The following VAV3 variants were observed in gnomAD, a reference collection of about 807,000 sequenced individuals.
VAV3 encodes the protein vav guanine nucleotide exchange factor 3.
In VAV3, 94 loss-of-function variants were observed where a neutral mutation model predicts 131.2. That is an observed-to-expected ratio of 0.72 (90% CI 0.61 to 0.85). VAV3 has a LOEUF of 0.85. Among genes scored for constraint, VAV3 ranks in the 40% least tolerant of loss-of-function variants. The pLI, the probability that VAV3 is intolerant of heterozygous loss-of-function variation, is 0.00. For synonymous variants in VAV3, 349 were observed against 342.0 expected (o/e 1.02, Z -0.22); for missense variants, 939 against 1,002.7 (o/e 0.94, Z 0.86).
At chr1:107,639,709 T>C (rs774892533) in intron 20 of VAV3, among the ~76,000 whole-genome samples, 7 of 152,086 alleles carry the variant, frequency 4.6e-5, no homozygotes, top group Non-Finnish European at 8.8e-5. Context: ...CTTGGCAGGC[T>C]GAAGTGGGAG....
intron 8 of VAV3, among the ~76,000 whole-genome samples, chr1:107,765,552 T>A (rs923069377): frequency 7.2e-5 from 11 of 152,208 alleles, no homozygotes; most frequent in African/African-American, 2.2e-4. Context: ...CTCAGAAAGT[T>A]TTCTCTATTA....
intron 20 of VAV3, among the ~76,000 whole-genome samples, chr1:107,630,724 A>G (rs1360606724): frequency 6.6e-6 from 1 of 152,182 alleles, no homozygotes; most frequent in Non-Finnish European, 1.5e-5. Flanking sequence ...CATAAAGTAC[A>G]TGTCTTCTTT....
At chr1:107,622,859 A>C (rs1442378864) in intron 20 of VAV3, among the ~76,000 whole-genome samples, 2 of 152,200 alleles carry the variant, frequency 1.3e-5, no homozygotes, top group Non-Finnish European at 2.9e-5. Context: ...AGGTGAATAC[A>C]CTGTATACAC....
At chr1:107,911,604 T>G (rs1672370477) in intron 1 of VAV3, among the ~76,000 whole-genome samples, 1 of 152,212 alleles carries the variant, frequency 6.6e-6, no homozygotes, top group Non-Finnish European at 1.5e-5. Flanking sequence ...CTCAGTATTT[T>G]CATTCTATTT....
chr1:107,781,584 A>C (rs142431204), intron 2 of VAV3, among the ~76,000 whole-genome samples: 3,834 of 152,272 alleles, frequency 0.025, 61 homozygotes, highest in South Asian at 0.051. Context: ...AGGGAGCAAA[A>C]CTCTTTAGGA....
intron 2 of VAV3, among the ~76,000 whole-genome samples, chr1:107,855,568 C>T (rs1411396564): frequency 6.6e-6 from 1 of 151,966 alleles, no homozygotes; most frequent in Non-Finnish European, 1.5e-5. Context: ...GTGAGCCACC[C>T]CACCAGGCCT....
At chr1:107,783,503 T>C (rs772373467) in intron 2 of VAV3, among the ~76,000 whole-genome samples, 7 of 152,102 alleles carry the variant, frequency 4.6e-5, no homozygotes, top group Non-Finnish European at 1.0e-4. Context: ...CTGTTAAGGC[T>C]CTGGAGGTGG....
At chr1:107,895,050 A>T (rs1446972008) in intron 1 of VAV3, among the ~76,000 whole-genome samples, 1 of 152,094 alleles carries the variant, frequency 6.6e-6, no homozygotes, top group Non-Finnish European at 1.5e-5. Context: ...TTAATGAGAG[A>T]AGCTGGGGGA....
intron 19 of VAV3, among the ~76,000 whole-genome samples, chr1:107,643,375 G>A (rs912200925): frequency 6.6e-6 from 1 of 152,162 alleles, no homozygotes; most frequent in African/African-American, 2.4e-5. Flanking sequence ...TTGAAATACA[G>A]ATCCATTCCT....
At chr1:107,635,437 A>G (rs1439580795) in intron 20 of VAV3, among the ~76,000 whole-genome samples, 5 of 123,052 alleles carry the variant, frequency 4.1e-5, no homozygotes, top group Non-Finnish European at 6.4e-5. Context: ...ACATGGACAC[A>G]GGAAGGGGAA....
intron 25 of VAV3, among the ~76,000 whole-genome samples, chr1:107,592,074 T>G (rs995067691): frequency 7.2e-5 from 11 of 151,918 alleles, no homozygotes; most frequent in African/African-American, 2.7e-4. Flanking sequence ...TGTGTGTGTG[T>G]GTGTATGTAT....
intron 19 of VAV3, among the ~76,000 whole-genome samples, chr1:107,647,586 T>C (rs1655830525): frequency 6.6e-6 from 1 of 152,030 alleles, no homozygotes; most frequent in Non-Finnish European, 1.5e-5. Context: ...TGTTCATATC[T>C]ATAAAAATTT....
intron 25 of VAV3, among the ~76,000 whole-genome samples, chr1:107,589,564 C>T (rs1216880288): frequency 6.6e-6 from 1 of 152,210 alleles, no homozygotes. Flanking sequence ...AGAGAGTAAA[C>T]TTCTGTTGTT....
At chr1:107,800,843 A>G (rs1231972057) in intron 2 of VAV3, among the ~76,000 whole-genome samples, 1 of 152,042 alleles carries the variant, frequency 6.6e-6, no homozygotes, top group Non-Finnish European at 1.5e-5. Context: ...CTATTTGTCT[A>G]TCTTTGCTTT....
intron 19 of VAV3, among the ~76,000 whole-genome samples, chr1:107,670,849 C>T (rs921528216): frequency 2.0e-5 from 3 of 152,116 alleles, no homozygotes; most frequent in African/African-American, 7.2e-5. Flanking sequence ...GCTTTTCCCC[C>T]AATTTCTTCC....
intron 2 of VAV3, among the ~76,000 whole-genome samples, chr1:107,779,749 A>G (rs1665583716): frequency 6.6e-6 from 1 of 152,158 alleles, no homozygotes; most frequent in African/African-American, 2.4e-5. Flanking sequence ...CAGATTCTAT[A>G]TCAGTATAAC....
chr1:107,712,740 G>A (rs1047194630), intron 15 of VAV3, among the ~76,000 whole-genome samples: 1 of 148,338 alleles, frequency 6.7e-6, no homozygotes, highest in Non-Finnish European at 1.5e-5. Flanking sequence ...ACAAAAATAA[G>A]TAAAGTCCCT....
At chr1:107,641,100 C>A (rs1293491245) in intron 20 of VAV3, among the ~76,000 whole-genome samples, 4 of 152,082 alleles carry the variant, frequency 2.6e-5, no homozygotes, top group Non-Finnish European at 5.9e-5. Flanking sequence ...TCTCTCTTTT[C>A]TTTTTCTGGG....
intron 2 of VAV3, among the ~76,000 whole-genome samples, chr1:107,779,850 A>G (rs1665591162): frequency 6.6e-6 from 1 of 152,136 alleles, no homozygotes; most frequent in Admixed American, 6.5e-5. Flanking sequence ...CCAGTATAGT[A>G]CCCACTAGCC....
Sources: allele counts gnomAD v4.1 joint callset (sites outside exome capture counted in the v4.1 genomes callset), GRCh38; gene constraint gnomAD v4.1.1; transcripts MANE v1.5; gene names NCBI Gene and HGNC (gene_info 2026-07-23, HGNC 2026-07-21).